The following SDK1 variants were observed in gnomAD, a reference collection of about 807,000 sequenced individuals.
SDK1 encodes the protein sidekick cell adhesion molecule 1.
In SDK1, 157 loss-of-function variants were observed where a neutral mutation model predicts 245.5. The observed-to-expected ratio is 0.64, with a 90% CI of 0.56 to 0.73. The LOEUF is 0.73. SDK1 is among the 30% of genes least tolerant of loss of function. The probability of loss-of-function intolerance (pLI) is 0.00; values close to 1 mark genes in which losing one functional copy is unlikely to be tolerated. For missense variants in SDK1, 3,583 were observed against 3,002.3 expected, an observed-to-expected ratio of 1.19 and a Z score of -4.52; for synonymous variants, 1,647 against 1,278.5, an observed-to-expected ratio of 1.29 and a Z score of -6.15.
In SDK1 at chr7:3,764,191, A is replaced by G. The variant is rs180728137; in HGVS notation, c.714-57259A>G. On this transcript the variant is annotated intron_variant, in intron 4 of 44. Coordinates refer to ENST00000404826, the MANE Select transcript of SDK1 (RefSeq NM_152744.4). ...TTGTGAATGGGGATTTTCAGATGCT[A>G]CAGTAATTTCTTGCATTGTAATATT... is the stretch of plus-strand genomic sequence containing the variant. Among the ~76,000 whole-genome samples, 47 of 152,300 alleles carry G rather than the reference A, an allele frequency of 3.1e-4. 1 individual carries two copies. Among genetic ancestry groups the G allele is most frequent in the Admixed American group, 3.0e-3 (46 of 15,302 alleles).
At chr7:3,823,210 A>G (rs1475493626) in intron 5 of SDK1, among the ~76,000 whole-genome samples, 1 of 152,236 alleles carries the variant, frequency 6.6e-6, no homozygotes, top group African/African-American at 2.4e-5. Flanking sequence ...TCCAAGGGTT[A>G]TGATAAAGAA....
At chr7:3,759,555 TTC>T (rs1491297660) in intron 4 of SDK1, among the ~76,000 whole-genome samples, 4 of 151,278 alleles carry the variant, frequency 2.6e-5, no homozygotes, top group Admixed American at 6.6e-5. Context: ...CTTTTTAGTT[TTC>T]TCTGTTTTTT....
chr7:4,042,322 C>T (rs1480888376), intron 17 of SDK1, among the ~76,000 whole-genome samples: 1 of 135,750 alleles, frequency 7.4e-6, no homozygotes, highest in Admixed American at 6.9e-5. Flanking sequence ...CACATATTTC[C>T]GTGGGATATA....
intron 1 of SDK1, among the ~76,000 whole-genome samples, chr7:3,595,992 G>C (rs1218110691): frequency 6.7e-6 from 1 of 149,190 alleles, no homozygotes; most frequent in Non-Finnish European, 1.5e-5. Context: ...TACCTGATGC[G>C]GTCGTTGTGA....
At chr7:3,515,526 T>A (rs1407129167) in intron 1 of SDK1, among the ~76,000 whole-genome samples, 2 of 152,212 alleles carry the variant, frequency 1.3e-5, no homozygotes, top group Non-Finnish European at 2.9e-5. Context: ...TTTTAATTTA[T>A]GCTTACAGTT....
intron 1 of SDK1, among the ~76,000 whole-genome samples, chr7:3,473,635 A>G (rs73671841): frequency 1.1e-3 from 166 of 151,636 alleles, no homozygotes; most frequent in African/African-American, 3.9e-3. Flanking sequence ...ATTCATGACT[A>G]CCTTTTATTT....
At chr7:3,318,494 A>C (rs978057568) in intron 1 of SDK1, among the ~76,000 whole-genome samples, 2 of 152,146 alleles carry the variant, frequency 1.3e-5, no homozygotes, top group Admixed American at 6.5e-5. Flanking sequence ...CTATTATTGT[A>C]CTCATTAATT....
At chr7:3,533,786 C>G (rs1408993786) in intron 1 of SDK1, among the ~76,000 whole-genome samples, 2 of 151,984 alleles carry the variant, frequency 1.3e-5, no homozygotes, top group African/African-American at 4.8e-5. Flanking sequence ...TTCCCCCGCC[C>G]CCCATTCCTT....
intron 1 of SDK1, among the ~76,000 whole-genome samples, chr7:3,562,305 T>C (rs1457114947): frequency 6.6e-6 from 1 of 152,244 alleles, no homozygotes; most frequent in East Asian, 1.9e-4. Context: ...TTTCTATTTG[T>C]TCAAGTAAAA....
intron 23 of SDK1, among the ~76,000 whole-genome samples, chr7:4,111,515 C>A (rs1783343640): frequency 6.7e-6 from 1 of 149,804 alleles, no homozygotes. Context: ...GGCACAAAAC[C>A]AAAGTTAGAG....
intron 1 of SDK1, among the ~76,000 whole-genome samples, chr7:3,582,871 A>C (rs1401454061): frequency 1.3e-5 from 2 of 152,102 alleles, no homozygotes; most frequent in Non-Finnish European, 2.9e-5. Context: ...CGTGGCAACA[A>C]CTTTATCATT....
rs993497389 is a variant in SDK1 at position 3,874,605 on chromosome 7, G to A, written c.847+53022G>A. Among the ~76,000 whole-genome samples, 6 of 152,060 alleles carry A rather than the reference G, an allele frequency of 3.9e-5. No homozygotes were observed. In the East Asian group the frequency reaches 5.8e-4, roughly 15 times the overall value. ...GGGGTAGAACTCCTTCTCCACCCCCGTTCCCCTGCCCTATCTGCAGTGCGA... is the reference window on the plus strand; with the variant it reads ...GGGGTAGAACTCCTTCTCCACCCCCATTCCCCTGCCCTATCTGCAGTGCGA... On this transcript the variant is annotated intron_variant, in intron 5 of 44. Coordinates refer to ENST00000404826, the MANE Select transcript of SDK1 (RefSeq NM_152744.4).
intron 1 of SDK1, among the ~76,000 whole-genome samples, chr7:3,458,473 T>C (rs370563915): frequency 5.3e-5 from 8 of 152,092 alleles, no homozygotes; most frequent in African/African-American, 1.9e-4. Context: ...CAAATTTGTT[T>C]CCCTCTTTTA....
At chr7:4,038,585 G>A (rs765648085) in intron 17 of SDK1, among the ~76,000 whole-genome samples, 2 of 152,142 alleles carry the variant, frequency 1.3e-5, no homozygotes, top group African/African-American at 2.4e-5. Flanking sequence ...ATTCGAAAGC[G>A]GTACTTTTCT....
chr7:3,387,772 A>G (rs1468679542), intron 1 of SDK1, among the ~76,000 whole-genome samples: 1 of 152,224 alleles, frequency 6.6e-6, no homozygotes, highest in African/African-American at 2.4e-5. Flanking sequence ...TATATTGCTT[A>G]ATAAAATAAT....
intron 40 of SDK1, among the ~76,000 whole-genome samples, chr7:4,231,585 AGAAAGGAAG>A (rs1785774959): frequency 6.7e-6 from 1 of 149,584 alleles, no homozygotes; most frequent in African/African-American, 2.4e-5. Context: ...AAAAAAAAAA[AGAAAGGAAG>A]AAGAAAGAAA....
intron 1 of SDK1, among the ~76,000 whole-genome samples, chr7:3,390,547 A>G (rs1741734614): frequency 6.6e-6 from 1 of 152,212 alleles, no homozygotes; most frequent in Admixed American, 6.5e-5. Context: ...TTGCAGATGT[A>G]ATTAAATAAG....
At chr7:3,562,815 A>G (rs911433426) in intron 1 of SDK1, among the ~76,000 whole-genome samples, 1 of 152,166 alleles carries the variant, frequency 6.6e-6, no homozygotes, top group Non-Finnish European at 1.5e-5. Context: ...CTTCAGCTAT[A>G]CAAGACCTTA....
At chr7:3,906,696 C>T (rs1333136367) in intron 5 of SDK1, among the ~76,000 whole-genome samples, 4 of 132,656 alleles carry the variant, frequency 3.0e-5, no homozygotes, top group East Asian at 4.8e-4. Context: ...GGCAAGATCT[C>T]GGCTCACTGC....
Sources: allele counts gnomAD v4.1 joint callset (sites outside exome capture counted in the v4.1 genomes callset), GRCh38; gene constraint gnomAD v4.1.1; transcripts MANE v1.5; gene names NCBI Gene and HGNC (gene_info 2026-07-23, HGNC 2026-07-21).